The following SDK1 variants were observed in gnomAD, a reference collection of about 807,000 sequenced individuals.
SDK1 encodes the protein protein sidekick-1.
SDK1 carries 157 observed loss-of-function variants against 245.5 expected under a neutral mutation model. The observed-to-expected ratio is 0.64, with a 90% confidence interval of 0.56 to 0.73. The LOEUF is 0.73. Ranked by LOEUF, SDK1 falls within the 30% of genes least tolerant of loss-of-function variation. The pLI, the probability that SDK1 is intolerant of heterozygous loss-of-function variation, is 0.00. For synonymous variants in SDK1, 1,647 were observed against 1,278.5 expected, an observed-to-expected ratio of 1.29 and a Z score of -6.15; for missense variants, 3,583 against 3,002.3, an observed-to-expected ratio of 1.19 and a Z score of -4.52.
intron 44 of SDK1, among the ~76,000 whole-genome samples, chr7:4,257,576 C>G (rs1018053378): frequency 1.3e-5 from 2 of 152,196 alleles, no homozygotes; most frequent in Non-Finnish European, 2.9e-5. Flanking sequence ...CCAGGAAACC[C>G]AGCTTTTAGC....
chr7:3,913,320 G>T (rs1241546885), intron 5 of SDK1, among the ~76,000 whole-genome samples: 10 of 143,312 alleles, frequency 7.0e-5, no homozygotes, highest in South Asian at 6.7e-4. Flanking sequence ...TTGAGATGGA[G>T]TCTCGCTCTG....
At position 4,145,783 on chromosome 7, in the gene SDK1, C is replaced by T. The variant is rs374223058; in HGVS notation, c.4290C>T (p.Val1430=). Residue 1430 remains valine (V), a synonymous_variant, in exon 29 of 45, where the codon GTC becomes GTT. Transcript: ENST00000404826. ...SSPHTFTTVE[V]GATVRQFTAT... ...CCCACACCTTCACCACCGTGGAGGT[C>T]GGCGCCACAGTGAGGCAGTTCACAG... 8.1e-5 allele frequency: 130 copies of T among 1,613,508 alleles called. No individual in the cohort carries two copies. The African/African-American group carries it at 1.0e-3, about 12-fold the overall frequency.
intron 1 of SDK1, among the ~76,000 whole-genome samples, chr7:3,483,624 C>A (rs564126519): frequency 6.6e-6 from 1 of 152,234 alleles, no homozygotes; most frequent in South Asian, 2.1e-4. Flanking sequence ...TTTTCTTCTT[C>A]ATTTTAATGG....
chr7:3,511,893 C>T (rs1156965973), intron 1 of SDK1, among the ~76,000 whole-genome samples: 2 of 147,210 alleles, frequency 1.4e-5, no homozygotes, highest in Admixed American at 6.9e-5. Context: ...CCTGCACGTG[C>T]ACAGCCTCCT....
intron 1 of SDK1, among the ~76,000 whole-genome samples, chr7:3,571,394 C>A (rs906008287): frequency 1.1e-4 from 16 of 151,998 alleles, no homozygotes; most frequent in African/African-American, 3.4e-4. Context: ...CCTCAAACTC[C>A]TGGATTCAAG....
At chr7:3,730,386 G>A (rs1405758876) in intron 4 of SDK1, among the ~76,000 whole-genome samples, 2 of 152,190 alleles carry the variant, frequency 1.3e-5, no homozygotes, top group African/African-American at 4.8e-5. Flanking sequence ...TGAAGCCAGT[G>A]AATAGAACTT....
At chr7:3,499,090 G>A (rs1420856089) in intron 1 of SDK1, among the ~76,000 whole-genome samples, 1 of 152,146 alleles carries the variant, frequency 6.6e-6, no homozygotes, top group African/African-American at 2.4e-5. Context: ...TCAGTAAAGT[G>A]TGCCCTTTCT....
At chr7:3,610,778 C>T (rs991703057) in intron 1 of SDK1, among the ~76,000 whole-genome samples, 9 of 152,228 alleles carry the variant, frequency 5.9e-5, no homozygotes, top group Non-Finnish European at 1.0e-4. Context: ...ATCAGTTTGA[C>T]TTCCCCACTG....
chr7:3,434,112 T>A (rs1779948595), intron 1 of SDK1, among the ~76,000 whole-genome samples: 1 of 152,204 alleles, frequency 6.6e-6, no homozygotes, highest in South Asian at 2.1e-4. Flanking sequence ...GCTCATCTTA[T>A]GACCTGTTCT....
chr7:4,005,009 G>C (rs1785354085), intron 14 of SDK1, among the ~76,000 whole-genome samples: 1 of 145,146 alleles, frequency 6.9e-6, no homozygotes, highest in Admixed American at 6.8e-5. Context: ...TAGGATTCTG[G>C]TAATTCTGGT....
At chr7:3,684,449 G>C (rs149425173) in intron 4 of SDK1, among the ~76,000 whole-genome samples, 1 of 152,318 alleles carries the variant, frequency 6.6e-6, no homozygotes, top group Non-Finnish European at 1.5e-5. Flanking sequence ...GATAGTGTTG[G>C]AGAAGCCCAG....
At chr7:3,501,177 C>T (rs189953965) in intron 1 of SDK1, among the ~76,000 whole-genome samples, 1 of 152,242 alleles carries the variant, frequency 6.6e-6, no homozygotes, top group East Asian at 1.9e-4. Flanking sequence ...GCAGGGTGAT[C>T]TGCTTGAGCT....
At chr7:3,829,422 G>A (rs1182581551) in intron 5 of SDK1, among the ~76,000 whole-genome samples, 1 of 152,096 alleles carries the variant, frequency 6.6e-6, no homozygotes, top group African/African-American at 2.4e-5. Flanking sequence ...TTCCTTCTTA[G>A]ATTCCACGAC....
chr7:3,461,520 A>G (rs1780830242), intron 1 of SDK1, among the ~76,000 whole-genome samples: 1 of 152,224 alleles, frequency 6.6e-6, no homozygotes, highest in African/African-American at 2.4e-5. Flanking sequence ...GAACAGAGCA[A>G]CAGTTGCTGT....
At chr7:4,258,270 T>C (rs1221338883) in intron 44 of SDK1, among the ~76,000 whole-genome samples, 1 of 152,102 alleles carries the variant, frequency 6.6e-6, no homozygotes, top group Non-Finnish European at 1.5e-5. Flanking sequence ...AGCTCAGCAG[T>C]CCCTTCCGAA....
chr7:3,402,174 G>T (rs186526898), intron 1 of SDK1, among the ~76,000 whole-genome samples: 1 of 152,130 alleles, frequency 6.6e-6, no homozygotes. Flanking sequence ...GCTTCATGTG[G>T]CTCAGTATCC....
intron 19 of SDK1, among the ~76,000 whole-genome samples, chr7:4,063,645 G>C (rs1339735524): frequency 6.9e-6 from 1 of 144,900 alleles, no homozygotes; most frequent in Admixed American, 6.8e-5. Context: ...AACCCAAAAA[G>C]AGCCCAAATA....
At chr7:4,210,379 G>A (rs1784451154) in intron 38 of SDK1, among the ~76,000 whole-genome samples, 1 of 152,326 alleles carries the variant, frequency 6.6e-6, no homozygotes, top group Admixed American at 6.5e-5. Flanking sequence ...GCTGAGCCAA[G>A]ACCAGACCTC....
intron 12 of SDK1, among the ~76,000 whole-genome samples, chr7:3,973,222 A>T (rs1583685494): frequency 1.3e-5 from 2 of 152,190 alleles, no homozygotes; most frequent in African/African-American, 4.8e-5. Flanking sequence ...TGAGCAGTCT[A>T]TCCATCTCCC....
Sources: gnomAD v4.1 joint callset for allele counts (sites outside exome capture counted in the v4.1 genomes callset) on GRCh38, gnomAD v4.1.1 for gene constraint, MANE v1.5 for transcripts, NCBI Gene and HGNC (gene_info 2026-07-23, HGNC 2026-07-21) for gene names.